PCDH15: variants seen among roughly 807,000 people sequenced by gnomAD.
PCDH15 encodes protocadherin-15.
A neutral mutation model predicts 178.5 loss-of-function variants in PCDH15; 129 were observed. The ratio of observed to expected loss-of-function variants is 0.72; its 90% confidence interval spans 0.63 to 0.84. The LOEUF is 0.84. PCDH15 is among the 40% of genes least tolerant of loss of function. The pLI is 0.00. For synonymous variants in PCDH15, 800 were observed against 732.0 expected (o/e 1.09, Z -1.50); for missense variants, 2,230 against 2,099.9 (o/e 1.06, Z -1.21).
chr10:53,985,381 G>C (rs1271584977), intron 21 of PCDH15, among the ~76,000 whole-genome samples: 1 of 152,154 alleles, frequency 6.6e-6, no homozygotes, highest in Admixed American at 6.5e-5. Context: ...TCTGGTATAT[G>C]TTAGAAAGTT....
chr10:55,202,151 G>A (rs1231703914), intron 1 of PCDH15, among the ~76,000 whole-genome samples: 1 of 152,064 alleles, frequency 6.6e-6, no homozygotes, highest in Non-Finnish European at 1.5e-5. Context: ...ACCAATGTAT[G>A]GAGCTTCTGA....
chr10:54,686,299 T>A (rs541061488), intron 1 of PCDH15, among the ~76,000 whole-genome samples: 4 of 152,116 alleles, frequency 2.6e-5, no homozygotes, highest in Non-Finnish European at 4.4e-5. Context: ...TCAAAGGCCA[T>A]TTAATAGTTG....
In PCDH15 at chr10:54,285,473, A is replaced by C. The variant is rs2058974158; in HGVS notation, c.876+31798T>G. ...CAAAATAGCCAACAGATATATGAAA[A>C]ATATATTTAACATTACTAATCTTCT... On this transcript the variant is annotated intron_variant, in intron 8 of 37. Transcript: ENST00000644397. Among the ~76,000 whole-genome samples, 6 of 152,272 alleles carry C rather than the reference A, an allele frequency of 3.9e-5. No homozygotes were observed. In the South Asian group the frequency reaches 1.2e-3, roughly 32 times the overall value.
At chr10:54,988,201 T>C in intron 2 of PCDH15, among the ~76,000 whole-genome samples, 1 of 152,236 alleles carries the variant, frequency 6.6e-6, no homozygotes, top group East Asian at 1.9e-4. Flanking sequence ...CTGAGGTCTC[T>C]TTTCTGTTCC....
intron 1 of PCDH15, among the ~76,000 whole-genome samples, chr10:55,192,134 G>C (rs1179313111): frequency 6.6e-6 from 1 of 151,520 alleles, no homozygotes; most frequent in Non-Finnish European, 1.5e-5. Context: ...TGTGGAACAG[G>C]CACTCCACTT....
chr10:54,325,825 C>T (rs1415573127), intron 7 of PCDH15, among the ~76,000 whole-genome samples: 2 of 152,048 alleles, frequency 1.3e-5, no homozygotes, highest in East Asian at 3.9e-4. Flanking sequence ...ATGAGAATCA[C>T]TTAAACCCCG....
chr10:54,368,234 G>T, intron 5 of PCDH15, among the ~76,000 whole-genome samples: 1 of 151,800 alleles, frequency 6.6e-6, no homozygotes, highest in East Asian at 1.9e-4. Context: ...ACTTCAAAAA[G>T]AATCTAGAGG....
chr10:54,316,527 T>TAA (rs1564945949), intron 8 of PCDH15, among the ~76,000 whole-genome samples: 1 of 128,156 alleles, frequency 7.8e-6, no homozygotes, highest in African/African-American at 3.1e-5. Flanking sequence ...AGAATATGTG[T>TAA]ATACACACAC....
chr10:54,529,241 G>C (rs962821380), intron 2 of PCDH15, among the ~76,000 whole-genome samples: 1 of 151,980 alleles, frequency 6.6e-6, no homozygotes, highest in Admixed American at 6.6e-5. Flanking sequence ...TATTGAAGGA[G>C]TTCCAAGTCA....
intron 2 of PCDH15, among the ~76,000 whole-genome samples, chr10:54,925,104 T>C (rs897337518): frequency 5.9e-5 from 9 of 152,210 alleles, no homozygotes; most frequent in Admixed American, 3.3e-4. Context: ...TTTTAATCCA[T>C]CTTGATTTGT....
intron 11 of PCDH15, chr10:54,189,486 T>C: frequency 1.5e-6 from 1 of 648,716 alleles, no homozygotes; most frequent in Non-Finnish European, 2.3e-6. Flanking sequence ...AGACTGACAA[T>C]TTTTTTCAGA....
chr10:54,026,188 C>T (rs751489282), intron 18 of PCDH15, among the ~76,000 whole-genome samples: 10 of 151,866 alleles, frequency 6.6e-5, no homozygotes, highest in Non-Finnish European at 1.0e-4. Flanking sequence ...CCCACCTCAG[C>T]GTCCTGCGCA....
rs191735855 is a variant in PCDH15 at position 54,488,823 on chromosome 10, G to A, written c.157+38989C>T. On this transcript the variant is annotated intron_variant, in intron 3 of 37. Transcript: ENST00000644397. ...CTTAGATTATAATATCAAAAAATAA[G>A]GAATCTCAAAAAATGTAGTAGAATA... Among the ~76,000 whole-genome samples, 734 of 151,896 alleles carry A rather than the reference G, an allele frequency of 4.8e-3. 5 individuals carry two copies. Among genetic ancestry groups the A allele is most frequent in the African/African-American group, 0.017 (707 of 41,486 alleles).
rs145903555 is a variant in PCDH15, at chr10:53,822,169, T to A, written c.4368-1939A>T. 3 of 1,614,040 alleles carry A rather than the reference T, an allele frequency of 1.9e-6. No individual in the cohort carries two copies. The highest frequency in any genetic ancestry group is 2.5e-6 in the Non-Finnish European group (3 of 1,179,964). ...GAGGACTTAATTTTCTCGGCAGGCA[T>A]CAAGTTGGTCGTGCATTTAACACCT... On this transcript the variant is annotated intron_variant, in intron 32 of 37. Coordinates refer to ENST00000644397, the MANE Select transcript of PCDH15 (RefSeq NM_001384140.1).
At chr10:55,063,333 T>C (rs1841484919) in intron 2 of PCDH15, among the ~76,000 whole-genome samples, 1 of 152,148 alleles carries the variant, frequency 6.6e-6, no homozygotes, top group Non-Finnish European at 1.5e-5. Flanking sequence ...AGCAGTGGCA[T>C]AGTATATCTC....
At chr10:54,453,563 G>A (rs546805116) in intron 3 of PCDH15, among the ~76,000 whole-genome samples, 1 of 151,876 alleles carries the variant, frequency 6.6e-6, no homozygotes, top group East Asian at 1.9e-4. Flanking sequence ...TAAATGACGA[G>A]TTAATGGGTG....
chr10:54,246,791 G>A (rs2132014034), intron 8 of PCDH15, among the ~76,000 whole-genome samples: 1 of 151,924 alleles, frequency 6.6e-6, no homozygotes, highest in East Asian at 1.9e-4. Flanking sequence ...TCACAGAGTA[G>A]GAGAATTCTA....
At chr10:54,194,766 T>A (rs1450191484) in intron 11 of PCDH15, among the ~76,000 whole-genome samples, 1 of 152,028 alleles carries the variant, frequency 6.6e-6, no homozygotes, top group Non-Finnish European at 1.5e-5. Flanking sequence ...AACATATGTA[T>A]ACATATTTAT....
At chr10:54,517,286 AC>A (rs2082330836) in intron 3 of PCDH15, among the ~76,000 whole-genome samples, 1 of 152,160 alleles carries the variant, frequency 6.6e-6, no homozygotes, top group African/African-American at 2.4e-5. Context: ...AAGAGTCAAG[AC>A]CCATCAGTGT....
Sources: gnomAD v4.1 joint callset for allele counts (sites outside exome capture counted in the v4.1 genomes callset) on GRCh38, gnomAD v4.1.1 for gene constraint, MANE v1.5 for transcripts, NCBI Gene and HGNC (gene_info 2026-07-23, HGNC 2026-07-21) for gene names.